Variants in NUDT6 observed in about 807,000 individuals in gnomAD.
NUDT6 encodes the protein nudix hydrolase 6.
A neutral mutation model predicts 36.8 loss-of-function variants in NUDT6; 24 were observed. The observed-to-expected ratio is 0.65, with a 90% CI of 0.47 to 0.92. The LOEUF (loss-of-function observed/expected upper bound fraction) is 0.92. Ranked by LOEUF, NUDT6 falls within the 40% of genes least tolerant of loss-of-function variation. NUDT6 has a pLI of 0.00. For missense variants in NUDT6, 388 were observed against 392.8 expected, an observed-to-expected ratio of 0.99 and a Z score of 0.10; for synonymous variants, 163 against 157.0, an observed-to-expected ratio of 1.04 and a Z score of -0.29.
intron 3 of NUDT6, among the ~76,000 whole-genome samples, chr4:122,902,523 TATATA>T (rs1311537694): frequency 6.6e-6 from 1 of 152,220 alleles, no homozygotes; most frequent in African/African-American, 2.4e-5. Flanking sequence ...ATCTCCACCT[TATATA>T]ATATTCATTC....
chr4:122,912,295 G>A (rs774782322), intron 3 of NUDT6, among the ~76,000 whole-genome samples: 31 of 152,130 alleles, frequency 2.0e-4, no homozygotes, highest in Non-Finnish European at 3.4e-4. Context: ...ATATATTAAA[G>A]CAGACTTGTC....
At chr4:122,899,589 A>G (rs1017373700) in intron 3 of NUDT6, among the ~76,000 whole-genome samples, 1 of 152,162 alleles carries the variant, frequency 6.6e-6, no homozygotes, top group Admixed American at 6.5e-5. Context: ...TAGTGAGATG[A>G]GCATGTCTTC....
chr4:122,922,598 G>A (rs752288481), upstream of NUDT6: 17 of 1,568,628 alleles, frequency 1.1e-5, no homozygotes, highest in African/African-American at 1.7e-4. Flanking sequence ...TTCGTCCGTT[G>A]CCCAAATGAC....
At position 122,893,194 on chromosome 4, in the gene NUDT6, C is replaced by A. The variant is rs374780215; in HGVS notation, c.585G>T (p.Glu195Asp). The change falls in exon 5 of 5, where the codon GAG becomes GAT. Residue 195 changes from glutamate (E) to aspartate (D), a missense_variant. Physicochemically the swap from Glu to Asp is conservative, Grantham distance 45 (BLOSUM62 2). Transcript: ENST00000304430. ...GDTAVREVFE[E>D]TGIKSEFRSV... ...ACCTGAATTCTGATTTTATACCAGT[C>A]TCTTCAAAAACTTCTCGAACCGCTG... is the stretch of plus-strand genomic sequence containing the variant. The A allele has an allele frequency of 1.1e-5, 17 of 1,611,384 alleles. No individual in the cohort carries two copies. The highest frequency in any genetic ancestry group is 1.4e-5 in the Non-Finnish European group (17 of 1,178,542).
At chr4:122,910,938 G>C (rs1475778768) in intron 3 of NUDT6, among the ~76,000 whole-genome samples, 2 of 152,112 alleles carry the variant, frequency 1.3e-5, no homozygotes, top group African/African-American at 2.4e-5. Flanking sequence ...AATGAAAAGA[G>C]AGATAATTAA....
chr4:122,899,031 A>G (rs938983404), intron 3 of NUDT6, among the ~76,000 whole-genome samples: 4 of 40,802 alleles, frequency 9.8e-5, no homozygotes, highest in Admixed American at 7.6e-4. Flanking sequence ...ACAGGTGTGC[A>G]CCACCACACC....
chr4:122,899,976 C>T (rs1727479164), intron 3 of NUDT6, among the ~76,000 whole-genome samples: 1 of 151,730 alleles, frequency 6.6e-6, no homozygotes, highest in Non-Finnish European at 1.5e-5. Context: ...GTGCTGCGGG[C>T]ATTTACTCAG....
intron 1 of NUDT6, chr4:122,918,395 T>C (rs1005385444): frequency 6.6e-6 from 1 of 152,264 alleles, no homozygotes; most frequent in Non-Finnish European, 1.5e-5. Context: ...TGAAACTTAC[T>C]AAGTTCCAAG....
rs77111957 is a variant in NUDT6 at position 122,899,862 on chromosome 4, A to G, written c.499-2184T>C. Among the ~76,000 whole-genome samples the G allele has an allele frequency of 2.0e-3, 299 of 152,246 alleles. 2 individuals carry two copies. The highest frequency in any genetic ancestry group is 7.0e-3 in the African/African-American group (290 of 41,564). On this transcript the variant is annotated intron_variant, in intron 3 of 4. Transcript: ENST00000304430. ...ACAGTCTCTGACTGAATGACGGATG[A>G]AAAAATGCACTCAGGCACAGATCAC...
chr4:122,920,346 T>C (rs1428021875), intron 1 of NUDT6: 2 of 152,218 alleles, frequency 1.3e-5, no homozygotes, highest in Non-Finnish European at 2.9e-5. Context: ...ATAGGAATAA[T>C]AATGCTATCT....
chr4:122,897,568 AAC>A, intron 4 of NUDT6, 54 bp downstream of exon 4: 1 of 1,221,394 alleles, frequency 8.2e-7, no homozygotes, highest in Non-Finnish European at 1.2e-6. Flanking sequence ...CAAGAAAGTA[AAC>A]ACATTAATTT....
At chr4:122,901,009 A>G (rs1313249487) in intron 3 of NUDT6, among the ~76,000 whole-genome samples, 1 of 152,182 alleles carries the variant, frequency 6.6e-6, no homozygotes, top group African/African-American at 2.4e-5. Context: ...CTCCCTTCCT[A>G]TAAAAGAAGA....
chr4:122,915,431 C>T (rs1727809014), intron 2 of NUDT6, among the ~76,000 whole-genome samples: 1 of 137,142 alleles, frequency 7.3e-6, no homozygotes. Flanking sequence ...GATCATGACA[C>T]TGCATTCCAG....
intron 2 of NUDT6, among the ~76,000 whole-genome samples, chr4:122,915,570 A>C (rs1727821579): frequency 6.6e-6 from 1 of 151,600 alleles, no homozygotes; most frequent in South Asian, 2.1e-4. Context: ...TTCAAATCCT[A>C]GTTAGTGTTC....
At chr4:122,895,356 ATTG>A (rs2150796805) in intron 4 of NUDT6, 1 of 152,278 alleles carries the variant, frequency 6.6e-6, no homozygotes, top group South Asian at 2.1e-4. Flanking sequence ...AATATGTTGT[ATTG>A]TTTTGTTTAG....
At chr4:122,894,681 A>C (rs1477838819) in intron 4 of NUDT6, 1 of 152,204 alleles carries the variant, frequency 6.6e-6, no homozygotes, top group Non-Finnish European at 1.5e-5. Context: ...TGGTAGCACT[A>C]GTCTTAAATT....
chr4:122,910,279 A>G (rs1727706954), intron 3 of NUDT6, among the ~76,000 whole-genome samples: 1 of 77,962 alleles, frequency 1.3e-5, no homozygotes, highest in Admixed American at 1.4e-4. Flanking sequence ...TGCAGGTTTT[A>G]TAAAGAAACA....
Position 122,893,241 on chromosome 4 carries a change from G to C in NUDT6, c.554-16C>G, listed in dbSNP as rs1727244901. On this transcript the variant is annotated splice_polypyrimidine_tract_variant and intron_variant, in intron 4 of 4. Transcript: ENST00000304430. ...GCTGTGTCTCCTACGTAAAAAAAGA[G>C]ATGTACAAATCAATAATAATTACAC... 6.4e-7 allele frequency: 1 copy of C among 1,573,746 alleles called. No homozygotes were observed. The highest frequency in any genetic ancestry group is 1.4e-5 in the African/African-American group (1 of 73,062).
intron 4 of NUDT6, chr4:122,894,613 G>A (rs1727294132): frequency 6.6e-6 from 1 of 151,526 alleles, no homozygotes; most frequent in Non-Finnish European, 1.5e-5. Flanking sequence ...TCCTTAATAA[G>A]AAAAGTAATT....
Sources: gnomAD v4.1 joint callset for allele counts (sites outside exome capture counted in the v4.1 genomes callset) on GRCh38, gnomAD v4.1.1 for gene constraint, MANE v1.5 for transcripts, NCBI Gene and HGNC (gene_info 2026-07-23, HGNC 2026-07-21) for gene names.